Variants in CSMD1 observed in about 807,000 individuals in gnomAD.
The protein encoded by CSMD1 is CUB and Sushi multiple domains 1, also known as CUB and sushi domain-containing protein 1.
CSMD1 carries 213 observed loss-of-function variants against 417.5 expected under a neutral mutation model. That is an observed-to-expected ratio of 0.51 (90% confidence interval 0.46 to 0.57). The LOEUF (loss-of-function observed/expected upper bound fraction) is 0.57, where lower values mean the gene tolerates loss of function less well. Among genes scored for constraint, CSMD1 ranks in the 20% least tolerant of loss-of-function variants. The pLI is 0.00. For synonymous variants in CSMD1, 2,862 were observed against 1,736.8 expected (o/e 1.65, Z -16.11); for missense variants, 6,923 against 4,529.7 (o/e 1.53, Z -15.17).
chr8:3,803,495 G>A (rs553738351), intron 5 of CSMD1, among the ~76,000 whole-genome samples: 5 of 152,298 alleles, frequency 3.3e-5, no homozygotes, highest in Non-Finnish European at 5.9e-5. Context: ...TGAATAACAA[G>A]AAGAGCCCAT....
At position 3,793,536 on chromosome 8, in the gene CSMD1, G is replaced by T. The variant is rs567652128; in HGVS notation, c.819-39494C>A. Reference sequence around the variant, plus strand: ...GTGGATCTCTGGATTCGATCTCTGGGCTTCCACATGACACCCCCTCCTCCA... The same window carrying T: ...GTGGATCTCTGGATTCGATCTCTGGTCTTCCACATGACACCCCCTCCTCCA... On this transcript the variant is annotated intron_variant, in intron 5 of 69. Transcript: ENST00000635120. Among the ~76,000 whole-genome samples, 152 of 150,316 alleles carry T rather than the reference G, an allele frequency of 1.0e-3. No individual in the cohort carries two copies. In the South Asian group the frequency reaches 0.01, roughly 10 times the overall value.
chr8:3,686,831 A>T lies in CSMD1; in HGVS notation c.1009+21583T>A, dbSNP rs779413906. ...CTTATGAGGGCTCCCAGGCCACATGAAATTTGCATTAAATAAACCTGCATG... is the reference window on the plus strand; with the variant it reads ...CTTATGAGGGCTCCCAGGCCACATGTAATTTGCATTAAATAAACCTGCATG... On this transcript the variant is annotated intron_variant, in intron 7 of 69. Coordinates refer to ENST00000635120, the MANE Select transcript of CSMD1 (RefSeq NM_033225.6). 2.2e-4 allele frequency among the ~76,000 whole-genome samples: 33 copies of T among 152,202 alleles called. 1 individual carries two copies. The highest frequency in any genetic ancestry group is 3.4e-4 in the African/African-American group (14 of 41,456).
At chr8:2,941,415 T>A (rs1222389887) in intron 69 of CSMD1, among the ~76,000 whole-genome samples, 1 of 152,264 alleles carries the variant, frequency 6.6e-6, no homozygotes, top group Non-Finnish European at 1.5e-5. Context: ...TTATTTAACC[T>A]ATCTAATTTT....
intron 3 of CSMD1, among the ~76,000 whole-genome samples, chr8:4,289,038 A>C (rs552829563): frequency 8.9e-4 from 135 of 152,350 alleles, no homozygotes; most frequent in African/African-American, 3.2e-3. Flanking sequence ...AATGACTGTC[A>C]TAATGAGCAT....
chr8:3,373,553 G>C (rs1810110292), intron 18 of CSMD1: 1 of 152,178 alleles, frequency 6.6e-6, no homozygotes, highest in African/African-American at 2.4e-5. Context: ...ATTGAAGTGA[G>C]GAGATGAGAG....
At chr8:4,730,331 G>A (rs374963576) in intron 1 of CSMD1, among the ~76,000 whole-genome samples, 1 of 152,172 alleles carries the variant, frequency 6.6e-6, no homozygotes, top group Non-Finnish European at 1.5e-5. Context: ...AAGAAATGTT[G>A]CAGGCTATAT....
At chr8:3,530,555 T>C (rs558697837) in intron 10 of CSMD1, among the ~76,000 whole-genome samples, 10 of 152,320 alleles carry the variant, frequency 6.6e-5, no homozygotes, top group Non-Finnish European at 1.0e-4. Context: ...GGAGTCTTGC[T>C]CTGTTCCCCA....
At chr8:4,667,929 A>T (rs1402781380) in intron 1 of CSMD1, among the ~76,000 whole-genome samples, 1 of 152,232 alleles carries the variant, frequency 6.6e-6, no homozygotes, top group Non-Finnish European at 1.5e-5. Context: ...TGCCTGGTTC[A>T]CACATACGTC....
chr8:3,679,805 T>A (rs1296612143), intron 7 of CSMD1, among the ~76,000 whole-genome samples: 1 of 152,052 alleles, frequency 6.6e-6, no homozygotes, highest in Non-Finnish European at 1.5e-5. Flanking sequence ...CCTCAGCAAA[T>A]GTAAAAGAAG....
At chr8:4,428,956 C>T (rs1019581592) in intron 2 of CSMD1, among the ~76,000 whole-genome samples, 12 of 152,054 alleles carry the variant, frequency 7.9e-5, no homozygotes, top group African/African-American at 2.4e-4. Context: ...TGAAGTGATC[C>T]ACCTGCCTCA....
intron 10 of CSMD1, among the ~76,000 whole-genome samples, chr8:3,511,985 T>TCATGAGTTTACAACGTTTCATTTCTC (rs1274367014): frequency 2.0e-5 from 3 of 151,814 alleles, no homozygotes; most frequent in Non-Finnish European, 4.4e-5. Flanking sequence ...CAGTGAGGAC[T>TCATGAGTTTACAACGTTTCATTTCTC]CATGAGTTTA....
intron 1 of CSMD1, among the ~76,000 whole-genome samples, chr8:4,845,047 C>T (rs972170549): frequency 7.1e-6 from 1 of 139,934 alleles, no homozygotes; most frequent in Non-Finnish European, 1.5e-5. Flanking sequence ...AAATTAAGTT[C>T]TACTAAATAA....
At chr8:3,742,239 C>A (rs945047423) in intron 6 of CSMD1, among the ~76,000 whole-genome samples, 1 of 152,124 alleles carries the variant, frequency 6.6e-6, no homozygotes, top group African/African-American at 2.4e-5. Flanking sequence ...AGATTTAATT[C>A]TCACCTAGAC....
chr8:4,885,045 T>G (rs947465623), intron 1 of CSMD1, among the ~76,000 whole-genome samples: 3 of 152,122 alleles, frequency 2.0e-5, no homozygotes, highest in Non-Finnish European at 4.4e-5. Context: ...TTTCAGAGTA[T>G]AAATTTGAAC....
In CSMD1 at chr8:4,892,626, C is replaced by T. The variant is rs117916730; in HGVS notation, c.85+101706G>A. On this transcript the variant is annotated intron_variant, in intron 1 of 69. Coordinates refer to ENST00000635120, the MANE Select transcript of CSMD1 (RefSeq NM_033225.6). The stretch of plus-strand genomic sequence containing the variant: ...AAAGTAAAAGTAGTCTTTCCTTAGA[C>T]GTGAACACTTAACTTTTGAGTGTTT... Among the ~76,000 whole-genome samples the T allele has an allele frequency of 3.1e-4, 47 of 152,128 alleles. No individual in the cohort carries two copies. In the East Asian group the frequency reaches 7.7e-3, roughly 25 times the overall value.
At chr8:4,708,934 G>T (rs901805395) in intron 1 of CSMD1, among the ~76,000 whole-genome samples, 3 of 152,136 alleles carry the variant, frequency 2.0e-5, no homozygotes, top group African/African-American at 7.2e-5. Flanking sequence ...TCATTCACAA[G>T]CCAAAGAAAG....
chr8:4,265,949 A>G (rs1804204276), intron 3 of CSMD1, among the ~76,000 whole-genome samples: 1 of 103,608 alleles, frequency 9.7e-6, no homozygotes, highest in African/African-American at 2.6e-5. Flanking sequence ...GGAGACGGGG[A>G]ACCATGGCCC....
chr8:4,116,069 G>C (rs995951341), intron 3 of CSMD1, among the ~76,000 whole-genome samples: 3 of 151,704 alleles, frequency 2.0e-5, no homozygotes, highest in East Asian at 1.9e-4. Context: ...GGCAATCTTG[G>C]CTCACTGCAA....
intron 1 of CSMD1, among the ~76,000 whole-genome samples, chr8:4,973,184 C>T (rs115507201): frequency 0.011 from 1,732 of 152,118 alleles, 28 homozygotes; most frequent in South Asian, 0.072. Flanking sequence ...CACTTTATTA[C>T]TTTTTAGTGC....
Sources: allele counts gnomAD v4.1 joint callset (sites outside exome capture counted in the v4.1 genomes callset), GRCh38; gene constraint gnomAD v4.1.1; transcripts MANE v1.5; gene names NCBI Gene and HGNC (gene_info 2026-07-23, HGNC 2026-07-21).